The following GJD2 variants were observed in gnomAD, a reference collection of about 807,000 sequenced individuals.
GJD2 encodes gap junction protein delta 2.
GJD2 carries 12 observed loss-of-function variants against 24.3 expected under a neutral mutation model. The observed-to-expected ratio is 0.49, with a 90% CI of 0.32 to 0.80. The LOEUF is 0.80. Ranked by LOEUF, GJD2 falls within the 30% of genes least tolerant of loss-of-function variation. The pLI, the probability that GJD2 is intolerant of heterozygous loss-of-function variation, is 0.04. For missense variants in GJD2, 268 were observed against 402.4 expected (o/e 0.67, Z 2.86); for synonymous variants, 171 against 155.2 (o/e 1.10, Z -0.76).
intron 1 of GJD2, 42 bp from the exon 2 acceptor site, chr15:34,753,414 G>A (rs758761180): frequency 2.6e-6 from 4 of 1,537,038 alleles, no homozygotes; most frequent in African/African-American, 2.7e-5. Flanking sequence ...CTCACGGGCT[G>A]CGTCACTGAC....
rs369001020 is a variant in GJD2 at position 34,754,521 on chromosome 15, G to C, written c.-33C>G. ...CATCCGGAGGCAGCAGACAAAGACT[G>C]GGCAGCACCGGGCACGTTCCCGCTC... On this transcript the variant is annotated 5_prime_UTR_variant, in exon 1 of 2. Coordinates refer to ENST00000290374, the MANE Select transcript of GJD2 (RefSeq NM_020660.3). This position sits in a 1 kb window ranked among gnomAD's most constrained non-coding sequence, Gnocchi z 5.9. 1.2e-5 allele frequency: 19 copies of C among 1,555,256 alleles called. No homozygotes were observed. The highest frequency in any genetic ancestry group is 1.6e-5 in the Non-Finnish European group (18 of 1,126,668).
In GJD2 at chr15:34,752,778, G is replaced by A; in HGVS notation, c.666C>T (p.Gly222=). The A allele has an allele frequency of 6.2e-7, 1 of 1,614,140 alleles. No individual in the cohort carries two copies. The highest frequency in any genetic ancestry group is 8.5e-7 in the Non-Finnish European group (1 of 1,179,994). ...ACTCATACAACCCTGGGACACTAAA[G>A]CCATAGAGAAAATATTGGCCAACCA... ...GFLVGQYFLY[G]FSVPGLYECN... Residue 222 remains glycine (G), a synonymous_variant, in exon 2 of 2, where the codon GGC becomes GGT. Transcript: ENST00000290374.
chr15:34,753,449 C>T (rs1891141292), intron 1 of GJD2, 77 bp from the exon 2 acceptor site: 1 of 1,346,726 alleles, frequency 7.4e-7, no homozygotes, highest in Non-Finnish European at 1.0e-6. Flanking sequence ...CCTCCCTTCC[C>T]TTTGCTGGTG....
chr15:34,754,026 C>A lies in GJD2; in HGVS notation c.71+392G>T, dbSNP rs745335382. ...AGGCATCTGCTCTGAAGAGCAAATC[C>A]ATCTCCCCATTTGCCCTTTTCTGTC... is the stretch of plus-strand genomic sequence containing the variant. On this transcript the variant is annotated intron_variant, in intron 1 of 1. Coordinates refer to ENST00000290374, the MANE Select transcript of GJD2 (RefSeq NM_020660.3). The surrounding 1 kb of genome is among the most constrained non-coding windows in gnomAD (Gnocchi z 5.9). Among the ~76,000 whole-genome samples, 4 of 152,114 alleles carry A rather than the reference C, an allele frequency of 2.6e-5. No individual in the cohort carries two copies. Among genetic ancestry groups the A allele is most frequent in the Non-Finnish European group, 4.4e-5 (3 of 68,024 alleles).
In GJD2 at chr15:34,753,293, T is replaced by G; in HGVS notation, c.151A>C (p.Thr51Pro). The change falls in exon 2 of 2, where the codon ACC becomes CCC. Residue 51 changes from threonine to proline, a missense_variant. Thr to Pro is a conservative substitution (Grantham distance 38, BLOSUM62 -1). This residue lies in a region of GJD2 where 66 missense variants were observed against 129.5 expected (regional missense o/e 0.51). Coordinates refer to ENST00000290374, the MANE Select transcript of GJD2 (RefSeq NM_020660.3). ...VGETVYDDEQTMFVCNTLQPG... is the reference protein window; with the variant it reads ...VGETVYDDEQPMFVCNTLQPG... ...TGCAGGGTGTTGCACACAAACATGGTCTGCTCATCATCGTACACCGTCTCC... is the reference window on the plus strand; with the variant it reads ...TGCAGGGTGTTGCACACAAACATGGGCTGCTCATCATCGTACACCGTCTCC... 1 of 1,613,830 alleles carries G rather than the reference T, an allele frequency of 6.2e-7. No individual in the cohort carries two copies. Among genetic ancestry groups the G allele is most frequent in the Non-Finnish European group, 8.5e-7 (1 of 1,180,014 alleles).
At position 34,754,166 on chromosome 15, in the gene GJD2, G is replaced by T. The variant is rs559576279; in HGVS notation, c.71+252C>A. ...AGCCAGCGGCTCCTTTTCTGATGTG[G>T]GAAGAGTGAAGCCCCAGTGGTGCTT... On this transcript the variant is annotated intron_variant, in intron 1 of 1. Transcript: ENST00000290374. The surrounding 1 kb of genome is among the most constrained non-coding windows in gnomAD (Gnocchi z 5.9). Among the ~76,000 whole-genome samples, 1 of 152,304 alleles carries T rather than the reference G, an allele frequency of 6.6e-6. No homozygotes were observed. The highest frequency in any genetic ancestry group is 2.1e-4 in the South Asian group (1 of 4,812).
chr15:34,754,411 C>T lies in GJD2; in HGVS notation c.71+7G>A. 6.2e-7 allele frequency: 1 copy of T among 1,612,860 alleles called. No individual in the cohort carries two copies. The highest frequency in any genetic ancestry group is 8.5e-7 in the Non-Finnish European group (1 of 1,179,052). ...GGGCCCCCTGACCGCCGGCTTGGCG[C>T]CCTTACCTCCCGATCATAGTGGAGT... On this transcript the variant is annotated splice_region_variant and intron_variant, in intron 1 of 1. Transcript: ENST00000290374. This position sits in a 1 kb window ranked among gnomAD's most constrained non-coding sequence, Gnocchi z 5.9.
chr15:34,752,816 C>G lies in GJD2; in HGVS notation c.628G>C (p.Glu210Gln). 1 of 1,614,156 alleles carries G rather than the reference C, an allele frequency of 6.2e-7. No homozygotes were observed. Among genetic ancestry groups the G allele is most frequent in the Non-Finnish European group, 8.5e-7 (1 of 1,180,012 alleles). Residue 210 changes from glutamate to glutamine, a missense_variant, in exon 2 of 2, where the codon GAA (glutamate) becomes CAA (glutamine). Physicochemically the swap from Glu to Gln is conservative, Grantham distance 29. Coordinates refer to ENST00000290374, the MANE Select transcript of GJD2 (RefSeq NM_020660.3). Reference sequence around the variant, plus strand: ...TATTGGCCAACCAGGAACCCAATTTCCAGGGCATTTCGGAACACCACTTGG... The same window carrying G: ...TATTGGCCAACCAGGAACCCAATTTGCAGGGCATTTCGGAACACCACTTGG... ...IIQVVFRNAL[E>Q]IGFLVGQYFL...
In GJD2 at chr15:34,753,008, G is replaced by C; in HGVS notation, c.436C>G (p.Gln146Glu). The change falls in exon 2 of 2, where the codon CAA (glutamine) becomes GAA (glutamate). Residue 146 changes from glutamine (Q) to glutamate (E), a missense_variant. By Grantham distance (29) the Gln-to-Glu change is conservative. Around this residue, in one of 3 missense-constraint regions of GJD2, gnomAD observed 87 missense variants for 77.8 expected, o/e 1.12. Coordinates refer to ENST00000290374, the MANE Select transcript of GJD2 (RefSeq NM_020660.3). ...GGGKREDKKL[Q>E]NAIVNGVLQN... is the part of the protein sequence containing the mutation. ...AGCACCCCATTCACAATAGCATTTT[G>C]CAACTTCTTATCTTCTCGTTTGCCC... 5 of 1,614,118 alleles carry C rather than the reference G, an allele frequency of 3.1e-6. No individual in the cohort carries two copies. The highest frequency in any genetic ancestry group is 4.2e-6 in the Non-Finnish European group (5 of 1,180,026).
At position 34,752,203 on chromosome 15, in the gene GJD2, G is replaced by C; in HGVS notation, c.*275C>G. On this transcript the variant is annotated 3_prime_UTR_variant, in exon 2 of 2. Coordinates refer to ENST00000290374, the MANE Select transcript of GJD2 (RefSeq NM_020660.3). Reference sequence around the variant, plus strand: ...AGCTGTGCAAGTTCAGTGTTATCAGGATCAGGCTAGGCCATAAACAGAAAG... The same window carrying C: ...AGCTGTGCAAGTTCAGTGTTATCAGCATCAGGCTAGGCCATAAACAGAAAG... The C allele has an allele frequency of 2.2e-6, 1 of 452,652 alleles. No individual in the cohort carries two copies. Among genetic ancestry groups the C allele is most frequent in the African/African-American group, 1.9e-5 (1 of 51,406 alleles). The allele number at this position is 452,652 out of a possible 1,614,324, so 28.0% of individuals were successfully genotyped here.
rs1002082225 is a variant in GJD2, at chr15:34,752,216, C to T, written c.*262G>A. The T allele has an allele frequency of 6.0e-6, 3 of 498,152 alleles. No individual in the cohort carries two copies. Among genetic ancestry groups the T allele is most frequent in the South Asian group, 2.5e-5 (1 of 39,498 alleles). 30.9% of individuals were successfully genotyped at this position (498,152 alleles called of 1,614,324 possible). ...CAGTGTTATCAGGATCAGGCTAGGC[C>T]ATAAACAGAAAGGGACCAAAGAAGT... On this transcript the variant is annotated 3_prime_UTR_variant, in exon 2 of 2. Coordinates refer to ENST00000290374, the MANE Select transcript of GJD2 (RefSeq NM_020660.3).
rs780124874 is a variant in GJD2 at position 34,752,703 on chromosome 15, T to C, written c.741A>G (p.Pro247=). The change falls in exon 2 of 2, where the codon CCA becomes CCG. Residue 247 remains proline (P), a synonymous_variant. Transcript: ENST00000290374. ...ACACTAGAAAGACAGTCTTCTCAGT[T>C]GGCCGGGACACATAACATTCCACCT... is the stretch of plus-strand genomic sequence containing the variant. The part of the protein sequence containing the change: ...IKEVECYVSR[P]TEKTVFLVFM... The C allele has an allele frequency of 1.2e-6, 2 of 1,614,182 alleles. No homozygotes were observed. The highest frequency in any genetic ancestry group is 2.2e-5 in the South Asian group (2 of 91,080).
Position 34,752,175 on chromosome 15 carries a change from G to C in GJD2, c.*303C>G, listed in dbSNP as rs1158630294. ...AGCTCAGCAGGGCTAAGTCCTACTT[G>C]GTAGCTGTGCAAGTTCAGTGTTATC... is the stretch of plus-strand genomic sequence containing the variant. On this transcript the variant is annotated 3_prime_UTR_variant, in exon 2 of 2. Coordinates refer to ENST00000290374, the MANE Select transcript of GJD2 (RefSeq NM_020660.3). 2.1e-5 allele frequency: 8 copies of C among 377,188 alleles called. No individual in the cohort carries two copies. The highest frequency in any genetic ancestry group is 3.4e-5 in the Non-Finnish European group (7 of 205,768). 23.4% of individuals were successfully genotyped at this position (377,188 alleles called of 1,614,324 possible). A position where few individuals can be genotyped will look rare whatever the true frequency, so the allele number is the denominator to read the frequency against.
intron 1 of GJD2, among the ~76,000 whole-genome samples, chr15:34,753,668 G>A (rs1891143942): frequency 6.6e-6 from 1 of 152,080 alleles, no homozygotes. Context: ...AGAATGTATA[G>A]AAACACAAAA....
rs766758423 is a variant in GJD2 at position 34,754,452 on chromosome 15, C to A, written c.37G>T (p.Ala13Ser). 1.2e-6 allele frequency: 2 copies of A among 1,614,036 alleles called. No individual in the cohort carries two copies. Among genetic ancestry groups the A allele is most frequent in the Non-Finnish European group, 1.7e-6 (2 of 1,179,942 alleles). Residue 13 changes from alanine (A) to serine (S), a missense_variant, in exon 1 of 2, where the codon GCC (alanine) becomes TCC (serine). Ala to Ser is a moderately conservative substitution (Grantham distance 99). Around this residue, in one of 3 missense-constraint regions of GJD2, gnomAD observed 66 missense variants for 129.5 expected, o/e 0.51. Coordinates refer to ENST00000290374, the MANE Select transcript of GJD2 (RefSeq NM_020660.3). The surrounding 1 kb of genome is among the most constrained non-coding windows in gnomAD (Gnocchi z 5.9). ...EWTILERLLEAAVQQHSTMIG... is the reference protein window; with the variant it reads ...EWTILERLLESAVQQHSTMIG... ...ATAGTGGAGTGCTGCTGCACCGCGG[C>A]TTCTAGCAGCCTCTCCAAGATGGTC...
rs1595748616 is a variant in GJD2, at chr15:34,752,249, A to T, written c.*229T>A. The stretch of plus-strand genomic sequence containing the variant: ...GAAAGGGACCAAAGAAGTCTAATTG[A>T]TCCATTTCATCACTCTACCCAATCG... On this transcript the variant is annotated 3_prime_UTR_variant, in exon 2 of 2. Transcript: ENST00000290374. The T allele has an allele frequency of 3.6e-6, 2 of 560,164 alleles. No homozygotes were observed. The highest frequency in any genetic ancestry group is 6.1e-5 in the Admixed American group (2 of 32,788). The allele number at this position is 560,164 out of a possible 1,614,324, so 34.7% of individuals were successfully genotyped here.
rs1030993544 is a variant in GJD2, at chr15:34,752,928, C to T, written c.516G>A (p.Lys172=). The change falls in exon 2 of 2, where the codon AAG becomes AAA. Residue 172 remains lysine, a synonymous_variant. Transcript: ENST00000290374. Reference sequence around the variant, plus strand: ...GACCTGATGGGTGTGGAGTCAGCTCCTTAACCTCTAAACAATCTGGCTCTG... The same window carrying T: ...GACCTGATGGGTGTGGAGTCAGCTCTTTAACCTCTAAACAATCTGGCTCTG... The part of the protein sequence containing the change: ...KETEPDCLEV[K]ELTPHPSGLR... The T allele has an allele frequency of 3.7e-6, 6 of 1,614,164 alleles. No homozygotes were observed. The highest frequency in any genetic ancestry group is 5.1e-6 in the Non-Finnish European group (6 of 1,180,020).
In GJD2 at chr15:34,752,477, C is replaced by T; in HGVS notation, c.*1G>A. ...CCCAGACCTTCATGAAACCTGCCCTCTCACACATAGGCAGAGTCACTGGAC... is the reference window on the plus strand; with the variant it reads ...CCCAGACCTTCATGAAACCTGCCCTTTCACACATAGGCAGAGTCACTGGAC... On this transcript the variant is annotated 3_prime_UTR_variant, in exon 2 of 2. Coordinates refer to ENST00000290374, the MANE Select transcript of GJD2 (RefSeq NM_020660.3). 1.2e-6 allele frequency: 2 copies of T among 1,611,960 alleles called. No homozygotes were observed. The highest frequency in any genetic ancestry group is 1.1e-5 in the South Asian group (1 of 90,834).
In GJD2 at chr15:34,753,026, G is replaced by T. The variant is rs749647277; in HGVS notation, c.418C>A (p.Arg140=). 8 of 1,613,844 alleles carry T rather than the reference G, an allele frequency of 5.0e-6. No homozygotes were observed. Among genetic ancestry groups the T allele is most frequent in the Non-Finnish European group, 6.8e-6 (8 of 1,180,016 alleles). ...TGGGGSGGGK[R]EDKKLQNAIV... is the part of the protein sequence containing the mutation. ...GCATTTTGCAACTTCTTATCTTCTC[G>T]TTTGCCCCCACCACTGCCCCCACCC... The change falls in exon 2 of 2, where the codon CGA becomes AGA. Residue 140 remains arginine (R), a synonymous_variant. Transcript: ENST00000290374.
Sources: gnomAD v4.1 joint callset for allele counts (sites outside exome capture counted in the v4.1 genomes callset) on GRCh38, gnomAD v4.1.1 for gene constraint, gnomAD v4.1.1 regional missense constraint, Gnocchi (gnomAD v3.1) non-coding constraint, MANE v1.5 for transcripts, NCBI Gene and HGNC (gene_info 2026-07-23, HGNC 2026-07-21) for gene names.